OPCML: variants seen among roughly 807,000 people sequenced by gnomAD.
The protein encoded by OPCML is opioid-binding protein/cell adhesion molecule.
In OPCML, 13 loss-of-function variants were observed where a neutral mutation model predicts 37.8. That is an observed-to-expected ratio of 0.34 (90% CI 0.22 to 0.55). The LOEUF is 0.55. OPCML is among the 20% of genes least tolerant of loss of function. The probability of loss-of-function intolerance (pLI) is 0.91; values close to 1 mark genes in which losing one functional copy is unlikely to be tolerated. For synonymous variants in OPCML, 176 were observed against 168.8 expected, an observed-to-expected ratio of 1.04 and a Z score of -0.33; for missense variants, 341 against 435.6, an observed-to-expected ratio of 0.78 and a Z score of 1.93.
rs574690234 is a variant in OPCML at position 132,914,636 on chromosome 11, A to T, written c.146+28290T>A. ...GGGCTCTTTACCTGACCTCAGTCAC[A>T]CTGCCCCTCAACAGGGCACCTTGCA... is the stretch of plus-strand genomic sequence containing the variant. On this transcript the variant is annotated intron_variant, in intron 2 of 7. Transcript: ENST00000524381. Among the ~76,000 whole-genome samples the T allele has an allele frequency of 4.6e-5, 7 of 152,316 alleles. No individual in the cohort carries two copies. In the East Asian group the frequency reaches 1.4e-3, roughly 29 times the overall value.
At chr11:132,828,023 A>G (rs1219735757) in intron 2 of OPCML, among the ~76,000 whole-genome samples, 2 of 152,220 alleles carry the variant, frequency 1.3e-5, no homozygotes, top group African/African-American at 4.8e-5. Flanking sequence ...AGGTAAATAC[A>G]TTGTGGTACA....
chr11:133,395,338 G>T (rs1032069343), intron 1 of OPCML, among the ~76,000 whole-genome samples: 16 of 151,946 alleles, frequency 1.1e-4, no homozygotes, highest in Middle Eastern at 3.4e-3. Flanking sequence ...TACTTTTTTT[G>T]ATTGCTTTTG....
chr11:132,418,197 A>G lies in OPCML; in HGVS notation c.*1996T>C, dbSNP rs535407427. The G allele has an allele frequency of 1.2e-4, 18 of 152,276 alleles. No homozygotes were observed. The highest frequency in any genetic ancestry group is 3.8e-4 in the African/African-American group (16 of 41,564). The allele number at this position is 152,276 out of a possible 1,614,324, so 9.4% of individuals were successfully genotyped here. A position where few individuals can be genotyped will look rare whatever the true frequency, so the allele number is the denominator to read the frequency against. Reference sequence around the variant, plus strand: ...GGGCACAGAATTCAATGGTGCTCATATTTTTTATTTTTTAGACTGAGGGCC... The same window carrying G: ...GGGCACAGAATTCAATGGTGCTCATGTTTTTTATTTTTTAGACTGAGGGCC... On this transcript the variant is annotated 3_prime_UTR_variant, in exon 8 of 8. Coordinates refer to ENST00000524381, the MANE Select transcript of OPCML (RefSeq NM_001012393.5).
chr11:133,391,512 C>A (rs954262869), intron 1 of OPCML, among the ~76,000 whole-genome samples: 1 of 152,196 alleles, frequency 6.6e-6, no homozygotes, highest in East Asian at 1.9e-4. Context: ...CCAGTTCCAA[C>A]CATCCTTTAG....
chr11:133,019,056 T>C lies in OPCML; in HGVS notation c.62-76046A>G, dbSNP rs540258611. The stretch of plus-strand genomic sequence containing the variant: ...TCAAAGATGATGTTACTGTGAGTGA[T>C]TATGATCTCTGCAGGCTGGTGAGAC... On this transcript the variant is annotated intron_variant, in intron 1 of 7. Transcript: ENST00000524381. Among the ~76,000 whole-genome samples, 4 of 152,314 alleles carry C rather than the reference T, an allele frequency of 2.6e-5. No individual in the cohort carries two copies. The East Asian group carries it at 7.7e-4, about 29-fold the overall frequency.
intron 1 of OPCML, among the ~76,000 whole-genome samples, chr11:133,204,189 C>T (rs1029489587): frequency 2.1e-5 from 3 of 144,726 alleles, no homozygotes; most frequent in African/African-American, 7.7e-5. Context: ...AATAAAAGAA[C>T]AAGAAATAAT....
At chr11:132,827,807 A>ATTTTTTT (rs71477776) in intron 2 of OPCML, among the ~76,000 whole-genome samples, 85 of 149,104 alleles carry the variant, frequency 5.7e-4, no homozygotes, top group Non-Finnish European at 9.2e-4. Context: ...GCCTGGCTGA[A>ATTTTTTT]TTTTTTTTTT....
chr11:132,570,644 G>T (rs771229345), intron 3 of OPCML, among the ~76,000 whole-genome samples: 1 of 150,570 alleles, frequency 6.6e-6, no homozygotes, highest in Non-Finnish European at 1.5e-5. Flanking sequence ...CAAAAAAGAA[G>T]CAGGGGAAAT....
At chr11:133,024,762 A>G in intron 1 of OPCML, 1 of 981,100 alleles carries the variant, frequency 1.0e-6, no homozygotes, top group Non-Finnish European at 1.2e-6. Context: ...TAATAAGGGC[A>G]TTTTGTGGAA....
At chr11:132,871,826 T>A (rs1051792227) in intron 2 of OPCML, among the ~76,000 whole-genome samples, 1 of 152,226 alleles carries the variant, frequency 6.6e-6, no homozygotes, top group African/African-American at 2.4e-5. Flanking sequence ...TCCATGGAGA[T>A]CTCATCAATG....
intron 1 of OPCML, among the ~76,000 whole-genome samples, chr11:133,287,927 C>T (rs1233200079): frequency 6.6e-6 from 1 of 152,180 alleles, no homozygotes; most frequent in African/African-American, 2.4e-5. Context: ...TTTCTGGCTC[C>T]CGCACCACGG....
At chr11:133,528,235 A>G (rs1465981053) in intron 1 of OPCML, among the ~76,000 whole-genome samples, 1 of 152,192 alleles carries the variant, frequency 6.6e-6, no homozygotes, top group African/African-American at 2.4e-5. Flanking sequence ...CCTTCTCAGC[A>G]CCTGCTATTG....
intron 3 of OPCML, among the ~76,000 whole-genome samples, chr11:132,593,000 G>GA (rs558404148): frequency 2.6e-5 from 4 of 152,000 alleles, no homozygotes; most frequent in African/African-American, 7.2e-5. Context: ...GTGAGAAATG[G>GA]AAAAAAAGCA....
At chr11:133,490,428 A>G (rs1947630009) in intron 1 of OPCML, among the ~76,000 whole-genome samples, 1 of 152,252 alleles carries the variant, frequency 6.6e-6, no homozygotes, top group African/African-American at 2.4e-5. Context: ...TCTGTAAGAC[A>G]TAAATTGATA....
chr11:132,931,207 A>T (rs142497273), intron 2 of OPCML, among the ~76,000 whole-genome samples: 347 of 152,168 alleles, frequency 2.3e-3, no homozygotes, highest in Non-Finnish European at 3.9e-3. Context: ...TAAAACTATT[A>T]AAAAAAATTT....
chr11:133,371,614 C>G (rs1275190460), intron 1 of OPCML, among the ~76,000 whole-genome samples: 2 of 152,172 alleles, frequency 1.3e-5, no homozygotes, highest in East Asian at 3.9e-4. Flanking sequence ...CTCTCTCCTG[C>G]CGCCTTGTGA....
chr11:132,849,906 G>C (rs758414481), intron 2 of OPCML, among the ~76,000 whole-genome samples: 11 of 152,354 alleles, frequency 7.2e-5, no homozygotes, highest in Non-Finnish European at 1.3e-4. Context: ...CTGTGAAACT[G>C]TGTCATGGAT....
At chr11:132,562,942 G>C (rs2096413804) in intron 3 of OPCML, among the ~76,000 whole-genome samples, 1 of 152,196 alleles carries the variant, frequency 6.6e-6, no homozygotes, top group South Asian at 2.1e-4. Context: ...AGCTCAGCAA[G>C]TGTAGATAGA....
At chr11:133,043,875 A>G (rs1487655817) in intron 1 of OPCML, among the ~76,000 whole-genome samples, 1 of 152,226 alleles carries the variant, frequency 6.6e-6, no homozygotes, top group African/African-American at 2.4e-5. Flanking sequence ...ATCTGTTGAC[A>G]CCTTTATTCA....
Sources: gnomAD v4.1 joint callset for allele counts (sites outside exome capture counted in the v4.1 genomes callset) on GRCh38, gnomAD v4.1.1 for gene constraint, MANE v1.5 for transcripts, NCBI Gene and HGNC (gene_info 2026-07-23, HGNC 2026-07-21) for gene names.